ASIP: variants seen among roughly 807,000 people sequenced by gnomAD.
The protein encoded by ASIP is agouti signaling protein, also known as agouti-signaling protein.
ASIP carries 11 observed loss-of-function variants against 10.3 expected under a neutral mutation model. The observed-to-expected ratio is 1.07, with a 90% CI of 0.68 to 1.78. The LOEUF (loss-of-function observed/expected upper bound fraction) is 1.78. Ranked by LOEUF, ASIP falls within the 40% of genes most tolerant of loss-of-function variation. The pLI is 0.00. For synonymous variants in ASIP, 70 were observed against 70.8 expected (o/e 0.99, Z 0.06); for missense variants, 180 against 169.2 (o/e 1.06, Z -0.35).
intron 3 of ASIP, 30 bp from the exon 4 acceptor site, chr20:34,268,961 G>A: frequency 1.9e-6 from 3 of 1,577,380 alleles, no homozygotes; most frequent in Non-Finnish European, 2.6e-6. Context: ...GGCGTGGCCG[G>A]CTCATAAAGC....
At chr20:34,261,370 G>A (rs2035687721) in intron 2 of ASIP, among the ~76,000 whole-genome samples, 1 of 152,082 alleles carries the variant, frequency 6.6e-6, no homozygotes, top group Admixed American at 6.6e-5. Flanking sequence ...CACGTGGCAT[G>A]CACCTGTAAT....
intron 1 of ASIP, chr20:34,246,649 G>C: frequency 1.8e-6 from 1 of 541,328 alleles, no homozygotes; most frequent in Non-Finnish European, 3.4e-6. Flanking sequence ...GTAGAGATGG[G>C]GTTTCGCCAT....
intron 1 of ASIP, among the ~76,000 whole-genome samples, chr20:34,223,469 C>G (rs1391319722): frequency 3.5e-3 from 478 of 135,312 alleles, no homozygotes; most frequent in South Asian, 7.7e-3. Context: ...CGTCTCCGCC[C>G]GGCAGCCACC....
chr20:34,206,060 T>C (rs1292069805), intron 1 of ASIP, among the ~76,000 whole-genome samples: 1 of 152,188 alleles, frequency 6.6e-6, no homozygotes, highest in Non-Finnish European at 1.5e-5. Context: ...TGGCACCATC[T>C]CACCTCACTG....
intron 1 of ASIP, chr20:34,246,648 G>A (rs2035380702): frequency 1.8e-6 from 1 of 544,544 alleles, no homozygotes; most frequent in Admixed American, 2.4e-5. Flanking sequence ...GGTAGAGATG[G>A]GGTTTCGCCA....
Sources: gnomAD v4.1 joint callset for allele counts (sites outside exome capture counted in the v4.1 genomes callset) on GRCh38, gnomAD v4.1.1 for gene constraint, MANE v1.5 for transcripts, NCBI Gene and HGNC (gene_info 2026-07-23, HGNC 2026-07-21) for gene names.